The following MORN2 variants were observed in gnomAD, a reference collection of about 807,000 sequenced individuals.
The protein encoded by MORN2 is MORN repeat containing 2, also known as MORN repeat-containing protein 2.
In MORN2, 15 loss-of-function variants were observed where a neutral mutation model predicts 13.4. The ratio of observed to expected loss-of-function variants is 1.12; its 90% CI spans 0.75 to 1.72. The LOEUF (loss-of-function observed/expected upper bound fraction) is 1.72, where lower values mean the gene tolerates loss of function less well. Ranked by LOEUF, MORN2 falls within the 40% of genes most tolerant of loss-of-function variation. The pLI is 0.00. For missense variants in MORN2, 168 were observed against 134.6 expected (o/e 1.25, Z -1.23); for synonymous variants, 46 against 43.6 (o/e 1.06, Z -0.22).
At chr2:38,876,708 G>C (rs1027092475) in intron 1 of MORN2, among the ~76,000 whole-genome samples, 3 of 152,192 alleles carry the variant, frequency 2.0e-5, no homozygotes, top group African/African-American at 7.2e-5. Flanking sequence ...GTTCCTGAAG[G>C]AGTCTGAGGT....
At chr2:38,878,120 G>T (rs1558416164) in intron 1 of MORN2, among the ~76,000 whole-genome samples, 1 of 139,260 alleles carries the variant, frequency 7.2e-6, no homozygotes, top group Non-Finnish European at 1.7e-5. Flanking sequence ...CAGTTTCCAT[G>T]ATTTTAGATT....
chr2:38,880,738 A>G (rs1166502091), intron 3 of MORN2, 32 bp downstream of exon 3: 15 of 1,548,780 alleles, frequency 9.7e-6, no homozygotes, highest in Admixed American at 7.9e-5. Flanking sequence ...TTGGCAGTGG[A>G]TAAATAACCC....
chr2:38,882,357 C>A, intron 4 of MORN2, 56 bp from the exon 5 acceptor site: 1 of 1,068,300 alleles, frequency 9.4e-7, no homozygotes, highest in Non-Finnish European at 1.4e-6. Flanking sequence ...AATCTTATAT[C>A]TGGACTGTAA....
chr2:38,880,166 T>G lies in MORN2; in HGVS notation c.59-13T>G, dbSNP rs1215241437. 2.5e-6 allele frequency: 1 copy of G among 398,820 alleles called. No individual in the cohort carries two copies. Among genetic ancestry groups the G allele is most frequent in the East Asian group, 3.6e-5 (1 of 28,068 alleles). The allele number at this position is 398,820 out of a possible 1,614,324, so 24.7% of individuals were successfully genotyped here. A position where few individuals can be genotyped will look rare whatever the true frequency, so the allele number is the denominator to read the frequency against. ...GTAAACTTATGTCACTGTTTTTAAA[T>G]CTTTTAAAACAGCTTCAGAAGTGTA... On this transcript the variant is annotated splice_polypyrimidine_tract_variant and intron_variant, in intron 1 of 4. Transcript: ENST00000644631.
intron 1 of MORN2, among the ~76,000 whole-genome samples, chr2:38,879,284 A>C (rs1665723201): frequency 6.7e-6 from 1 of 150,160 alleles, no homozygotes; most frequent in Non-Finnish European, 1.5e-5. Context: ...CTGTACACCA[A>C]TTTTTTTTTT....
intron 2 of MORN2, 26 bp from the exon 3 acceptor site, chr2:38,880,574 A>G (rs1028277910): frequency 1.4e-6 from 2 of 1,434,492 alleles, no homozygotes; most frequent in African/African-American, 1.4e-5. Context: ...CTCATTTATA[A>G]TCTTCAGTTT....
rs1309288846 is a variant in MORN2, at chr2:38,882,556, T to C, written c.*41T>C. 7.0e-7 allele frequency: 1 copy of C among 1,425,722 alleles called. No individual in the cohort carries two copies. Among genetic ancestry groups the C allele is most frequent in the Non-Finnish European group, 9.7e-7 (1 of 1,035,342 alleles). The allele number at this position is 1,425,722 out of a possible 1,614,324, so 88.3% of individuals were successfully genotyped here. On this transcript the variant is annotated 3_prime_UTR_variant, in exon 5 of 5. Transcript: ENST00000644631. Reference sequence around the variant, plus strand: ...AAAGTTGAAATGTAGTAATTGAAGCTTTTAGTTGTAAGGAAAGCAACTTAA... The same window carrying C: ...AAAGTTGAAATGTAGTAATTGAAGCCTTTAGTTGTAAGGAAAGCAACTTAA...
intron 4 of MORN2, among the ~76,000 whole-genome samples, chr2:38,881,843 G>A (rs1665784089): frequency 6.6e-6 from 1 of 152,134 alleles, no homozygotes; most frequent in South Asian, 2.1e-4. Context: ...TAGGGACGGG[G>A]TTTCACCGTG....
intron 4 of MORN2, 105 bp downstream of exon 4, chr2:38,881,683 C>T (rs1665781387): frequency 1.1e-6 from 1 of 936,156 alleles, no homozygotes; most frequent in Non-Finnish European, 1.5e-6. Flanking sequence ...CAGAGTCTCC[C>T]TCTGTCATCC....
At chr2:38,881,322 G>C (rs1665772785) in intron 3 of MORN2, 120 bp from the exon 4 acceptor site, 2 of 816,778 alleles carry the variant, frequency 2.4e-6, no homozygotes, top group Admixed American at 7.1e-5. Context: ...GGAAATAAAG[G>C]ACAATACAAA....
intron 1 of MORN2, among the ~76,000 whole-genome samples, chr2:38,878,973 C>T (rs1167120579): frequency 6.6e-6 from 1 of 152,190 alleles, no homozygotes; most frequent in African/African-American, 2.4e-5. Context: ...TGCATACCGT[C>T]TCTACATAAG....
intron 3 of MORN2, 60 bp downstream of exon 3, chr2:38,880,766 C>T (rs1665757092): frequency 3.3e-6 from 5 of 1,530,406 alleles, no homozygotes; most frequent in Admixed American, 2.1e-5. Context: ...TTAGTGATTC[C>T]AGGCATTTCA....
At chr2:38,876,844 T>G (rs536223315) in intron 1 of MORN2, among the ~76,000 whole-genome samples, 1 of 152,340 alleles carries the variant, frequency 6.6e-6, no homozygotes, top group East Asian at 1.9e-4. Flanking sequence ...ATTAGCTCAT[T>G]TACTTGATTT....
chr2:38,881,644 ATACT>A, intron 4 of MORN2, 66 bp downstream of exon 4: 1 of 1,192,202 alleles, frequency 8.4e-7, no homozygotes, highest in Non-Finnish European at 1.1e-6. Context: ...GTTTGCTTAA[ATACT>A]TATTTATTTA....
At chr2:38,881,178 C>G (rs1033170665) in intron 3 of MORN2, among the ~76,000 whole-genome samples, 2 of 152,170 alleles carry the variant, frequency 1.3e-5, no homozygotes, top group Non-Finnish European at 2.9e-5. Context: ...TTCAGGGTAT[C>G]TTGAGGACCC....
At position 38,880,657 on chromosome 2, in the gene MORN2, A is replaced by T; in HGVS notation, c.167A>T (p.His56Leu). 10 of 1,549,222 alleles carry T rather than the reference A, an allele frequency of 6.5e-6. No homozygotes were observed. The highest frequency in any genetic ancestry group is 5.2e-6 in the Non-Finnish European group (6 of 1,146,406). ...TACGAGAGAAATGGAATAGGTATTC[A>T]TACCACTCCTAATGGGATTGTCTAC... The change falls in exon 3 of 5, where the codon CAT becomes CTT. Residue 56 changes from histidine to leucine, a missense_variant. Coordinates refer to ENST00000644631, the MANE Select transcript of MORN2 (RefSeq NM_001145450.3).
chr2:38,880,896 CT>C (rs1243341369), intron 3 of MORN2, among the ~76,000 whole-genome samples, 190 bp downstream of exon 3: 2 of 152,164 alleles, frequency 1.3e-5, no homozygotes, highest in Admixed American at 1.3e-4. Context: ...ATCATCGTTA[CT>C]TTCTTTCTCA....
Position 38,882,413 on chromosome 2 carries a change from G to C in MORN2, c.354G>C (p.Arg118Ser). The change falls in exon 5 of 5, where the codon AGG becomes AGC. Residue 118 changes from arginine (R) to serine (S), a missense_variant and splice_region_variant. Physicochemically the swap from Arg to Ser is moderately radical, Grantham distance 110. Coordinates refer to ENST00000644631, the MANE Select transcript of MORN2 (RefSeq NM_001145450.3). ...GAAAACTTATTTTCTACTATTGCAG[G>C]GTGGAAGGTGAAGGGGAATATACTG... is the stretch of plus-strand genomic sequence containing the variant. The C allele has an allele frequency of 6.5e-7, 1 of 1,537,768 alleles. No individual in the cohort carries two copies. The highest frequency in any genetic ancestry group is 8.8e-7 in the Non-Finnish European group (1 of 1,136,118).
intron 3 of MORN2, 41 bp downstream of exon 3, chr2:38,880,747 C>G (rs1308682446): frequency 1.3e-6 from 2 of 1,544,472 alleles, no homozygotes; most frequent in South Asian, 2.4e-5. Flanking sequence ...GATAAATAAC[C>G]CTGTAGGTTT....
Sources: gnomAD v4.1 joint callset for allele counts (sites outside exome capture counted in the v4.1 genomes callset) on GRCh38, gnomAD v4.1.1 for gene constraint, MANE v1.5 for transcripts, NCBI Gene and HGNC (gene_info 2026-07-23, HGNC 2026-07-21) for gene names.